The following WNK1 variants were observed in gnomAD, a reference collection of about 807,000 sequenced individuals.
The protein encoded by WNK1 is WNK lysine deficient protein kinase 1, also known as serine/threonine-protein kinase WNK1.
A neutral mutation model predicts 222.8 loss-of-function variants in WNK1; 38 were observed. The ratio of observed to expected loss-of-function variants is 0.17; its 90% CI spans 0.13 to 0.22. The LOEUF (loss-of-function observed/expected upper bound fraction) is 0.22. Among genes scored for constraint, WNK1 ranks in the 10% least tolerant of loss-of-function variants. The pLI is 1.00. For synonymous variants in WNK1, 1,090 were observed against 1,092.9 expected (o/e 1.00, Z 0.05); for missense variants, 2,348 against 2,918.4 (o/e 0.80, Z 4.50).
chr12:901,485 C>T (rs1955254001), intron 26 of WNK1: 1 of 1,084,814 alleles, frequency 9.2e-7, no homozygotes. Context: ...ACTCCAGCCT[C>T]AAGTTTCTAA....
At position 878,251 on chromosome 12, in the gene WNK1, G is replaced by A. The variant is rs1444380006; in HGVS notation, c.2263G>A (p.Val755Met). The A allele has an allele frequency of 6.2e-7, 1 of 1,614,108 alleles. No individual in the cohort carries two copies. Residue 755 changes from valine to methionine, a missense_variant, in exon 10 of 28, where the codon GTG becomes ATG. Physicochemically the swap from Val to Met is conservative, Grantham distance 21. Coordinates refer to ENST00000315939, the MANE Select transcript of WNK1 (RefSeq NM_018979.4). ...GCAGACAGCCCCTCCTCAACAGACA[G>A]TGCAGTATTCACTTTCACAGACATC... ...IQQTAPPQQT[V>M]QYSLSQTSTS...
chr12:873,230 T>A (rs771103320), intron 9 of WNK1, among the ~76,000 whole-genome samples: 1 of 152,220 alleles, frequency 6.6e-6, no homozygotes, highest in Non-Finnish European at 1.5e-5. Context: ...TGTCTTGTAT[T>A]TGGGGATATG....
At chr12:844,224 T>C (rs1467616239) in intron 4 of WNK1, among the ~76,000 whole-genome samples, 1 of 151,998 alleles carries the variant, frequency 6.6e-6, no homozygotes, top group African/African-American at 2.4e-5. Context: ...CTACGCCTCC[T>C]GGGTTCAAGT....
Position 803,061 on chromosome 12 carries a change from G to A in WNK1, c.760-10581G>A, listed in dbSNP as rs532241468. On this transcript the variant is annotated intron_variant, in intron 1 of 27. Coordinates refer to ENST00000315939, the MANE Select transcript of WNK1 (RefSeq NM_018979.4). ...AAAGAATAAAATTGAAGAAATTAAT[G>A]TGTGTATTCTTTTTTCCCTGGATTG... Among the ~76,000 whole-genome samples the A allele has an allele frequency of 7.9e-4, 121 of 152,326 alleles. No homozygotes were observed. In the Middle Eastern group the frequency reaches 0.014, roughly 17 times the overall value.
intron 1 of WNK1, among the ~76,000 whole-genome samples, chr12:796,030 G>T (rs1257685041): frequency 6.6e-6 from 1 of 151,974 alleles, no homozygotes; most frequent in Non-Finnish European, 1.5e-5. Context: ...CCTCCACCAT[G>T]CCCAGCTAAT....
intron 4 of WNK1, among the ~76,000 whole-genome samples, chr12:840,257 C>T (rs1198940141): frequency 1.5e-4 from 22 of 149,710 alleles, no homozygotes; most frequent in Middle Eastern, 3.2e-3. Flanking sequence ...CCTTCTGAAT[C>T]GCTAGGACTA....
chr12:792,203 G>GTCT (rs1944901786), intron 1 of WNK1, among the ~76,000 whole-genome samples: 10 of 152,006 alleles, frequency 6.6e-5, no homozygotes, highest in African/African-American at 2.4e-4. Context: ...TGTGAGCTTA[G>GTCT]GAAGAGCAAA....
At chr12:783,010 C>T (rs1241695474) in intron 1 of WNK1, among the ~76,000 whole-genome samples, 3 of 151,754 alleles carry the variant, frequency 2.0e-5, no homozygotes, top group Admixed American at 6.6e-5. Context: ...CTTAAGCGAT[C>T]CTCCAGCCTT....
At chr12:781,848 C>T (rs943646286) in intron 1 of WNK1, among the ~76,000 whole-genome samples, 24 of 151,944 alleles carry the variant, frequency 1.6e-4, no homozygotes, top group Admixed American at 8.5e-4. Flanking sequence ...TTAAAATTCC[C>T]AGTCTTCTCT....
At chr12:891,631 T>C (rs1954250233) in intron 22 of WNK1, among the ~76,000 whole-genome samples, 1 of 151,432 alleles carries the variant, frequency 6.6e-6, no homozygotes. Context: ...GTTTTTTAAT[T>C]TATTAGTAAT....
rs72647393 is a variant in WNK1 at position 780,950 on chromosome 12, A to G, written c.759+26626A>G. 4.3e-3 allele frequency among the ~76,000 whole-genome samples: 648 copies of G among 152,360 alleles called. 5 individuals carry two copies. Among genetic ancestry groups the G allele is most frequent in the African/African-American group, 0.015 (609 of 41,596 alleles). On this transcript the variant is annotated intron_variant, in intron 1 of 27. Transcript: ENST00000315939. ...GAATGTATAGTAGTTTGCTATAGAC[A>G]GACTACTTTGCAGTGGCTATCAAAC...
At chr12:831,986 T>C (rs1948830059) in intron 4 of WNK1, among the ~76,000 whole-genome samples, 1 of 152,222 alleles carries the variant, frequency 6.6e-6, no homozygotes, top group African/African-American at 2.4e-5. Context: ...TGTAATTTAA[T>C]TGAATTTTGA....
intron 24 of WNK1, 147 bp from the exon 25 acceptor site, chr12:897,332 A>G (rs1954840535): frequency 5.7e-6 from 4 of 698,018 alleles, no homozygotes; most frequent in Admixed American, 4.1e-5. Context: ...TGAGTTGACA[A>G]ACTAGAATCT....
intron 1 of WNK1, among the ~76,000 whole-genome samples, chr12:772,510 T>A (rs1303251467): frequency 1.3e-5 from 2 of 152,114 alleles, no homozygotes; most frequent in African/African-American, 4.8e-5. Flanking sequence ...ATTATGTGTA[T>A]ACATACGTAT....
intron 4 of WNK1, among the ~76,000 whole-genome samples, chr12:840,771 G>A (rs1591958386): frequency 6.6e-6 from 1 of 152,190 alleles, no homozygotes; most frequent in East Asian, 1.9e-4. Flanking sequence ...CGAAAGTAGT[G>A]GTGATGTTCT....
intron 1 of WNK1, among the ~76,000 whole-genome samples, chr12:778,011 G>A (rs575576700): frequency 6.6e-6 from 1 of 152,312 alleles, no homozygotes; most frequent in Non-Finnish European, 1.5e-5. Flanking sequence ...TAGTGCTCTA[G>A]CTATCAAATC....
In WNK1 at chr12:908,861, G is replaced by GGCC; in HGVS notation, c.*69_*70insGCC. 2.0e-6 allele frequency: 1 copy of GGCC among 491,844 alleles called. No homozygotes were observed. The highest frequency in any genetic ancestry group is 4.1e-6 in the Non-Finnish European group (1 of 241,768). The allele number at this position is 491,844 out of a possible 1,614,324, so 30.5% of individuals were successfully genotyped here. A position where few individuals can be genotyped will look rare whatever the true frequency, so the allele number is the denominator to read the frequency against. On this transcript the variant is annotated 3_prime_UTR_variant, in exon 28 of 28. Coordinates refer to ENST00000315939, the MANE Select transcript of WNK1 (RefSeq NM_018979.4). ...ATGCTGAGGGGGTGGGTGGGGGTGG[G>GGCC]AAGTAGCCTATATACTAACTACTAG...
At chr12:860,939 TGGCGGGG>T in intron 6 of WNK1, 67 bp from the exon 7 acceptor site, 4 of 1,152,372 alleles carry the variant, frequency 3.5e-6, no homozygotes, top group Admixed American at 5.2e-5. Flanking sequence ...TTTTTTTTTT[TGGCGGGG>T]GGTGGTGGTG....
chr12:886,233 G>A, intron 19 of WNK1, 149 bp downstream of exon 19: 2 of 724,398 alleles, frequency 2.8e-6, no homozygotes, highest in East Asian at 3.0e-5. Flanking sequence ...AGCAGTTTGA[G>A]GGTATATCTA....
Sources: allele counts gnomAD v4.1 joint callset (sites outside exome capture counted in the v4.1 genomes callset), GRCh38; gene constraint gnomAD v4.1.1; transcripts MANE v1.5; gene names NCBI Gene and HGNC (gene_info 2026-07-23, HGNC 2026-07-21).